MAP7D3: variants seen among roughly 807,000 people sequenced by gnomAD.
MAP7D3 encodes MAP7 domain containing 3.
A neutral mutation model predicts 62.2 loss-of-function variants in MAP7D3; 45 were observed. The ratio of observed to expected loss-of-function variants is 0.72; its 90% CI spans 0.57 to 0.93. MAP7D3 has a LOEUF of 0.93. Ranked by LOEUF, MAP7D3 falls within the 40% of genes least tolerant of loss-of-function variation. The pLI is 0.00. For missense variants in MAP7D3, 711 were observed against 683.1 expected (o/e 1.04, Z -0.45); for synonymous variants, 288 against 248.8 (o/e 1.16, Z -1.48).
upstream of MAP7D3, among the ~76,000 whole-genome samples, chrX:136,252,676 C>CAAA (rs770751343): frequency 7.9e-3 from 282 of 35,867 alleles, no homozygotes; most frequent in Non-Finnish European, 9.0e-3. Flanking sequence ...GACTCTGTCT[C>CAAA]AAAAAAAAAA....
chrX:136,253,186 T>G (rs2074532210), upstream of MAP7D3, among the ~76,000 whole-genome samples: 1 of 112,429 alleles, frequency 8.9e-6, no homozygotes, highest in African/African-American at 3.2e-5. Flanking sequence ...GACCAATGCT[T>G]TGCATGATAT....
intron 4 of MAP7D3, among the ~76,000 whole-genome samples, chrX:136,243,723 T>C (rs1238831144): frequency 1.9e-5 from 2 of 107,387 alleles, no homozygotes; most frequent in Non-Finnish European, 3.8e-5. Flanking sequence ...AAAAAATCCC[T>C]GGAATAAAGA....
intron 1 of MAP7D3, among the ~76,000 whole-genome samples, chrX:136,248,829 C>G (rs2074476261): frequency 8.9e-6 from 1 of 112,294 alleles, no homozygotes; most frequent in Non-Finnish European, 1.9e-5. Flanking sequence ...CTAAACATAA[C>G]TTTCCCAGTT....
At chrX:136,220,620 G>T (rs994920426) in intron 16 of MAP7D3, 145 bp downstream of exon 16, 22 of 516,488 alleles carry the variant, frequency 4.3e-5, no homozygotes, top group African/African-American at 7.0e-5. Context: ...CTGTTGTGGG[G>T]ATGAGTTTAT....
chrX:136,238,576 T>C (rs1321931934), intron 6 of MAP7D3, among the ~76,000 whole-genome samples: 4 of 111,782 alleles, frequency 3.6e-5, no homozygotes, highest in African/African-American at 1.3e-4. Context: ...CATATTAATC[T>C]ATGAACAAAC....
chrX:136,239,245 A>T (rs368182296), intron 6 of MAP7D3, among the ~76,000 whole-genome samples: 1 of 112,271 alleles, frequency 8.9e-6, no homozygotes, highest in Non-Finnish European at 1.9e-5. Flanking sequence ...ACTTGGGTAT[A>T]GATTTTTCTT....
Position 136,227,431 on chromosome X carries a change from C to T in MAP7D3, c.1887G>A (p.Arg629=), listed in dbSNP as rs746684635. 47 of 1,172,465 alleles carry T rather than the reference C, an allele frequency of 4.0e-5. No homozygotes were observed. The highest frequency in any genetic ancestry group is 5.3e-5 in the Non-Finnish European group (46 of 868,735). The change falls in exon 12 of 19, where the codon AGG becomes AGA. Residue 629 remains arginine, a splice_region_variant and synonymous_variant. Coordinates refer to ENST00000316077, the MANE Select transcript of MAP7D3 (RefSeq NM_024597.4). ...CCATGTCTTTTGATTTCTTAATGAC[C>T]CTGAGAGTATTTAAATAATTGTTAG... ...EERQREEMQQ[R]VIKKSKDMAK...
rs2074227998 is a variant in MAP7D3 at position 136,228,728 on chromosome X, A to G, written c.1781T>C (p.Met594Thr). The change falls in exon 11 of 19, where the codon ATG becomes ACG. Residue 594 changes from methionine (M) to threonine (T), a missense_variant. Physicochemically the swap from Met to Thr is moderately conservative, Grantham distance 81. Transcript: ENST00000316077. ...AATTTTTGTTGCCGCCTCGGCATTC[A>G]TAATACCTGCAGTACTCTTATTACC... ...ESGNKSTAGIMNAEAATKILT... is the reference protein window; with the variant it reads ...ESGNKSTAGITNAEAATKILT... 8.3e-7 allele frequency: 1 copy of G among 1,205,464 alleles called. No individual in the cohort carries two copies. The highest frequency in any genetic ancestry group is 1.1e-6 in the Non-Finnish European group (1 of 891,096).
At chrX:136,243,629 G>T (rs756763012) in intron 4 of MAP7D3, among the ~76,000 whole-genome samples, 1 of 110,398 alleles carries the variant, frequency 9.1e-6, no homozygotes, top group Non-Finnish European at 1.9e-5. Flanking sequence ...CTTGAACCGG[G>T]GGGGCAGAAG....
chrX:136,213,341 C>T (rs750548299), downstream of MAP7D3: 16 of 110,824 alleles, frequency 1.4e-4, no homozygotes, highest in Non-Finnish European at 2.8e-4. Flanking sequence ...CATTTTCTCC[C>T]TCATAATTAA....
Position 136,230,937 on chromosome X carries a change from GA to G in MAP7D3, c.1442del (p.Ile481ThrfsTer62). 2.5e-6 allele frequency: 3 copies of G among 1,196,034 alleles called. No homozygotes were observed. Among genetic ancestry groups the G allele is most frequent in the Non-Finnish European group, 3.4e-6 (3 of 882,595 alleles). The stretch of plus-strand genomic sequence containing the variant: ...ATGATAGACGCTTCTTGGCAATAGG[GA>G]TTAAGGCCTGTTTGTCCATTTCTGA... Reference protein sequence around the residue: ...KKSEMDKQALIPIAKKRLSSY... With the variant: ...KKSEMDKQALXPIAKKRLSSY... On this transcript the variant is annotated frameshift_variant, in exon 9 of 19. Coordinates refer to ENST00000316077, the MANE Select transcript of MAP7D3 (RefSeq NM_024597.4). LOFTEE classifies it high-confidence loss of function.
intron 10 of MAP7D3, among the ~76,000 whole-genome samples, chrX:136,229,530 T>C (rs1181835897): frequency 1.8e-5 from 2 of 110,770 alleles, no homozygotes; most frequent in Non-Finnish European, 3.8e-5. Flanking sequence ...AATATGGCAC[T>C]TTCAGGAATA....
chrX:136,252,575 G>C (rs2074523990), upstream of MAP7D3, among the ~76,000 whole-genome samples: 1 of 101,510 alleles, frequency 9.9e-6, no homozygotes, highest in Non-Finnish European at 2.0e-5. Flanking sequence ...TACTTGGGAG[G>C]CTGAGGCAGG....
At position 136,251,347 on chromosome X, in the gene MAP7D3, G is replaced by C. The variant is rs762571492; in HGVS notation, c.12C>G (p.Asp4Glu). Residue 4 changes from aspartate to glutamate, a missense_variant, in exon 1 of 19, where the codon GAC becomes GAG. Coordinates refer to ENST00000316077, the MANE Select transcript of MAP7D3 (RefSeq NM_024597.4). Reference protein sequence around the residue: MMADGAAAGAGGSP... With the variant: MMAEGAAAGAGGSP... ...TGCCGCCAGCGCCAGCTGCGGCGCCGTCCGCCATCATCGGAGTCGGGACCG... is the reference window on the plus strand; with the variant it reads ...TGCCGCCAGCGCCAGCTGCGGCGCCCTCCGCCATCATCGGAGTCGGGACCG... 8.9e-7 allele frequency: 1 copy of C among 1,123,470 alleles called. No homozygotes were observed. Among genetic ancestry groups the C allele is most frequent in the Non-Finnish European group, 1.2e-6 (1 of 857,864 alleles). 92.6% of individuals were successfully genotyped at this position (1,123,470 alleles called of 1,213,427 possible).
intron 3 of MAP7D3, 116 bp from the exon 4 acceptor site, chrX:136,244,911 C>T: frequency 1.9e-6 from 1 of 530,263 alleles, no homozygotes; most frequent in Non-Finnish European, 3.1e-6. Context: ...CTTAAAATAA[C>T]ACAACCTGTG....
In MAP7D3 at chrX:136,230,392, G is replaced by T; in HGVS notation, c.1743C>A (p.Ile581=). Residue 581 remains isoleucine, a synonymous_variant, in exon 10 of 19, where the codon ATC becomes ATA. Transcript: ENST00000316077. ...CTTAGTGAAAGAACTTACCTTCATA[G>T]ATCATATGCCTTTGGCTCAAAGCCT... The part of the protein sequence containing the change: ...RCEALSQRHM[I]YEESGNKSTA... The T allele has an allele frequency of 2.6e-6, 3 of 1,162,282 alleles. No individual in the cohort carries two copies. Among genetic ancestry groups the T allele is most frequent in the Non-Finnish European group, 3.5e-6 (3 of 852,141 alleles).
In MAP7D3 at chrX:136,219,411, A is replaced by T. The variant is rs776783144; in HGVS notation, c.*19T>A. ...ATGAGGACTTACCCAAATGAGGAGAAACAGGTTTGCTTCTTCTCTTATTGT... is the reference window on the plus strand; with the variant it reads ...ATGAGGACTTACCCAAATGAGGAGATACAGGTTTGCTTCTTCTCTTATTGT... On this transcript the variant is annotated 3_prime_UTR_variant, in exon 18 of 19. Coordinates refer to ENST00000316077, the MANE Select transcript of MAP7D3 (RefSeq NM_024597.4). 1 of 1,166,907 alleles carries T rather than the reference A, an allele frequency of 8.6e-7. No homozygotes were observed.
chrX:136,229,008 G>C (rs1028099067), intron 10 of MAP7D3: 1 of 183,791 alleles, frequency 5.4e-6, no homozygotes, highest in African/African-American at 3.0e-5. Context: ...TTCTACTTTC[G>C]TTTTAGTGGT....
chrX:136,239,237 T>G (rs763694544), intron 6 of MAP7D3, among the ~76,000 whole-genome samples: 3 of 112,242 alleles, frequency 2.7e-5, no homozygotes, highest in Non-Finnish European at 3.8e-5. Context: ...TGACACACAC[T>G]TGGGTATAGA....
Sources: gnomAD v4.1 joint callset for allele counts (sites outside exome capture counted in the v4.1 genomes callset) on GRCh38, gnomAD v4.1.1 for gene constraint, MANE v1.5 for transcripts, NCBI Gene and HGNC (gene_info 2026-07-23, HGNC 2026-07-21) for gene names.